The following NAALADL2 variants were observed in gnomAD, a reference collection of about 807,000 sequenced individuals.
NAALADL2 encodes the protein N-acetylated alpha-linked acidic dipeptidase like 2.
Under a neutral mutation model 87.2 loss-of-function variants are expected in NAALADL2, and 76 were observed. That is an observed-to-expected ratio of 0.87 (90% confidence interval 0.72 to 1.05). NAALADL2 has a LOEUF of 1.05. Among genes scored for constraint, NAALADL2 ranks in the 50% least tolerant of loss-of-function variants. NAALADL2 has a pLI of 0.00. For missense variants in NAALADL2, 1,089 were observed against 945.8 expected (o/e 1.15, Z -1.99); for synonymous variants, 354 against 331.0 (o/e 1.07, Z -0.75).
intron 1 of NAALADL2, among the ~76,000 whole-genome samples, chr3:175,058,643 T>G (rs1200441673): frequency 6.6e-6 from 1 of 152,072 alleles, no homozygotes; most frequent in African/African-American, 2.4e-5. Context: ...AAAAAGCACA[T>G]GCAGACACTC....
intron 11 of NAALADL2, chr3:175,718,086 G>C: frequency 1.5e-6 from 1 of 664,668 alleles, no homozygotes; most frequent in South Asian, 2.8e-5. Context: ...CTTTGAATGG[G>C]AGCTTCCTTT....
rs560372566 is a variant in NAALADL2 at position 174,579,108 on chromosome 3, T to C, written c.-115+28471T>C. 4.6e-5 allele frequency among the ~76,000 whole-genome samples: 7 copies of C among 152,096 alleles called. No individual in the cohort carries two copies. The East Asian group carries it at 1.2e-3, about 25-fold the overall frequency. On this transcript the variant is annotated intron_variant, in intron 2 of 3. Coordinates refer to the NAALADL2 transcript ENST00000434257. ...GAGTGACAACACCAAATGTTGGTTG[T>C]TGATCGAAGGATAACATGGTACAAT...
At chr3:175,802,897 T>A (rs1754358756) in intron 13 of NAALADL2, 108 bp from the exon 14 acceptor site, 3 of 693,068 alleles carry the variant, frequency 4.3e-6, no homozygotes, top group Non-Finnish European at 7.2e-6. Flanking sequence ...TTTTATAATT[T>A]ATTCATTTAT....
At chr3:174,477,064 T>G (rs74786203) in intron 1 of NAALADL2, among the ~76,000 whole-genome samples, 3,233 of 151,650 alleles carry the variant, frequency 0.021, 117 homozygotes, top group African/African-American at 0.067. Context: ...ACCATTGCAC[T>G]CCAGCCTGGG....
chr3:175,238,295 AC>A (rs1313084802), intron 3 of NAALADL2, among the ~76,000 whole-genome samples: 1 of 152,142 alleles, frequency 6.6e-6, no homozygotes, highest in African/African-American at 2.4e-5. Context: ...GTTTAAAAAA[AC>A]TTTTAAAATG....
intron 2 of NAALADL2, among the ~76,000 whole-genome samples, chr3:175,186,178 G>T (rs982186486): frequency 5.3e-5 from 8 of 152,008 alleles, no homozygotes; most frequent in Non-Finnish European, 1.0e-4. Context: ...TGAACTCAGG[G>T]AACTAAAAGG....
chr3:175,461,092 C>T (rs1320745214), intron 6 of NAALADL2, among the ~76,000 whole-genome samples: 4 of 152,094 alleles, frequency 2.6e-5, no homozygotes, highest in African/African-American at 9.7e-5. Flanking sequence ...ATACAGAGCG[C>T]TGATTGGTGC....
chr3:175,034,328 T>C (rs1325308984), intron 1 of NAALADL2, among the ~76,000 whole-genome samples: 1 of 152,156 alleles, frequency 6.6e-6, no homozygotes, highest in African/African-American at 2.4e-5. Context: ...CAAGTTCTGA[T>C]TGTCCTTCAG....
At chr3:174,908,243 A>T (rs182962895) in intron 1 of NAALADL2, among the ~76,000 whole-genome samples, 1 of 151,960 alleles carries the variant, frequency 6.6e-6, no homozygotes, top group Non-Finnish European at 1.5e-5. Context: ...AGGCATTACT[A>T]TCGTCTCTTG....
At chr3:175,233,513 C>T (rs1745320100) in intron 2 of NAALADL2, among the ~76,000 whole-genome samples, 1 of 152,124 alleles carries the variant, frequency 6.6e-6, no homozygotes, top group Non-Finnish European at 1.5e-5. Flanking sequence ...TCCATCCTAG[C>T]TCACTGCAGC....
chr3:175,003,793 CAGA>C (rs1221773917), intron 1 of NAALADL2, among the ~76,000 whole-genome samples: 2 of 152,156 alleles, frequency 1.3e-5, no homozygotes, highest in Non-Finnish European at 1.5e-5. Context: ...ATTAACACTG[CAGA>C]AGAAGTGCCT....
At chr3:174,877,067 T>TA (rs886628464) in intron 1 of NAALADL2, among the ~76,000 whole-genome samples, 3 of 152,112 alleles carry the variant, frequency 2.0e-5, no homozygotes, top group African/African-American at 7.2e-5. Flanking sequence ...CAAGACTATT[T>TA]AAACCTAATT....
chr3:174,971,162 C>T (rs757113333), intron 1 of NAALADL2, among the ~76,000 whole-genome samples: 18 of 152,098 alleles, frequency 1.2e-4, no homozygotes, highest in Non-Finnish European at 2.5e-4. Flanking sequence ...CCCCATAATT[C>T]AATTACCTCC....
chr3:175,468,658 T>G (rs1350033876), intron 8 of NAALADL2, among the ~76,000 whole-genome samples: 1 of 152,014 alleles, frequency 6.6e-6, no homozygotes, highest in African/African-American at 2.4e-5. Flanking sequence ...CACAATTAAT[T>G]TGTGTTAATT....
intron 2 of NAALADL2, among the ~76,000 whole-genome samples, chr3:174,659,951 C>A (rs1232373989): frequency 6.6e-6 from 1 of 152,044 alleles, no homozygotes; most frequent in East Asian, 1.9e-4. Flanking sequence ...CCTTTTGGGA[C>A]CCCGCTTGAA....
chr3:175,273,680 C>A (rs1457732649), intron 4 of NAALADL2, among the ~76,000 whole-genome samples: 3 of 151,116 alleles, frequency 2.0e-5, no homozygotes, highest in East Asian at 3.9e-4. Context: ...CTCTTTTAAC[C>A]CTAACGTAAG....
intron 3 of NAALADL2, among the ~76,000 whole-genome samples, chr3:174,775,668 C>A (rs1715122658): frequency 6.6e-6 from 1 of 151,746 alleles, no homozygotes; most frequent in Admixed American, 6.6e-5. Flanking sequence ...CAGATCTCCC[C>A]ACAGGGTCCT....
intron 1 of NAALADL2, among the ~76,000 whole-genome samples, chr3:175,012,183 A>T (rs1749914375): frequency 1.3e-5 from 2 of 152,000 alleles, no homozygotes; most frequent in Admixed American, 6.6e-5. Flanking sequence ...TATTTATCTG[A>T]GATGGAGATT....
At chr3:174,537,867 C>A (rs1443319231) in intron 1 of NAALADL2, among the ~76,000 whole-genome samples, 1 of 152,098 alleles carries the variant, frequency 6.6e-6, no homozygotes, top group Non-Finnish European at 1.5e-5. Context: ...GCCATCTGAC[C>A]ATGTTTAATA....
Sources: gnomAD v4.1 joint callset for allele counts (sites outside exome capture counted in the v4.1 genomes callset) on GRCh38, gnomAD v4.1.1 for gene constraint, MANE v1.5 for transcripts, NCBI Gene and HGNC (gene_info 2026-07-23, HGNC 2026-07-21) for gene names.